PDE4B: variants seen among roughly 807,000 people sequenced by gnomAD.
PDE4B encodes the protein phosphodiesterase 4B.
Under a neutral mutation model 82.2 loss-of-function variants are expected in PDE4B, and 20 were observed. That is an observed-to-expected ratio of 0.24 (90% CI 0.17 to 0.35). PDE4B has a LOEUF of 0.35. Ranked by LOEUF, PDE4B falls within the 10% of genes least tolerant of loss-of-function variation. The pLI, the probability that PDE4B is intolerant of heterozygous loss-of-function variation, is 1.00. For synonymous variants in PDE4B, 320 were observed against 318.9 expected (o/e 1.00, Z -0.04); for missense variants, 655 against 907.2 (o/e 0.72, Z 3.57).
rs528324068 is a variant in PDE4B at position 65,839,691 on chromosome 1, TTCCAAG to T, written c.-71+46446_-71+46451del. ...TATCATTGATTAGCATTTGAGTTGG[TTCCAAG>T]TCTTTGCTATTGTGAACAGTGCTAC... is the stretch of plus-strand genomic sequence containing the variant. On this transcript the variant is annotated intron_variant, in intron 1 of 16. Coordinates refer to ENST00000341517, the MANE Select transcript of PDE4B (RefSeq NM_002600.4). Among the ~76,000 whole-genome samples, 552 of 152,322 alleles carry T rather than the reference TTCCAAG, an allele frequency of 3.6e-3. 5 individuals carry two copies. Among genetic ancestry groups the T allele is most frequent in the African/African-American group, 0.012 (512 of 41,570 alleles).
chr1:66,046,368 C>G (rs1364736526), intron 3 of PDE4B: 1 of 151,536 alleles, frequency 6.6e-6, no homozygotes, highest in Non-Finnish European at 1.5e-5. Context: ...AAATGACAAG[C>G]CACAAACCTC....
At chr1:66,034,578 A>G (rs1653966584) in intron 3 of PDE4B, among the ~76,000 whole-genome samples, 2 of 152,344 alleles carry the variant, frequency 1.3e-5, no homozygotes, top group East Asian at 1.9e-4. Context: ...AAAAGGGCAG[A>G]AAAGGGGAGA....
chr1:66,284,596 T>C (rs1656534468), intron 7 of PDE4B, among the ~76,000 whole-genome samples: 1 of 152,130 alleles, frequency 6.6e-6, no homozygotes, highest in Admixed American at 6.6e-5. Context: ...AGTTTGAAGC[T>C]GTAGTGCACC....
chr1:65,844,440 C>T (rs1421800544), intron 1 of PDE4B, among the ~76,000 whole-genome samples: 2 of 152,132 alleles, frequency 1.3e-5, no homozygotes, highest in Non-Finnish European at 1.5e-5. Context: ...GCTGGACTCT[C>T]GCAGACCGTT....
chr1:65,854,557 G>C (rs1306201396), intron 1 of PDE4B, among the ~76,000 whole-genome samples: 1 of 151,486 alleles, frequency 6.6e-6, no homozygotes, highest in East Asian at 1.9e-4. Context: ...TAAAGTCATG[G>C]CTCCAATGAC....
intron 3 of PDE4B, among the ~76,000 whole-genome samples, chr1:66,055,682 A>G (rs560447871): frequency 6.6e-6 from 1 of 152,326 alleles, no homozygotes; most frequent in African/African-American, 2.4e-5. Flanking sequence ...CCAGTGCTTC[A>G]GTACTGAATG....
Position 66,082,643 on chromosome 1 carries a change from T to TAC in PDE4B, c.281+163809_281+163810insCA, listed in dbSNP as rs370479071. 8.5e-3 allele frequency among the ~76,000 whole-genome samples: 706 copies of TAC among 82,748 alleles called. 24 individuals carry two copies. Among genetic ancestry groups the TAC allele is most frequent in the Admixed American group, 0.07 (671 of 9,546 alleles). The allele number at this position is 82,748 out of a possible 152,430, so 54.3% of individuals were successfully genotyped here. Reference sequence around the variant, plus strand: ...AGGAATTTTGATAGGATTGAAATAATATATATATATATATATACAGTGCTT... The same window carrying TAC: ...AGGAATTTTGATAGGATTGAAATAATACATATATATATATATATACAGTGCTT... On this transcript the variant is annotated intron_variant, in intron 3 of 16. Transcript: ENST00000341517.
intron 1 of PDE4B, among the ~76,000 whole-genome samples, chr1:65,842,622 A>T (rs1279879392): frequency 6.6e-6 from 1 of 152,174 alleles, no homozygotes; most frequent in African/African-American, 2.4e-5. Flanking sequence ...CAAGCTTAAG[A>T]TGGTACTTAG....
At chr1:66,347,799 A>G (rs1018724219) in intron 8 of PDE4B, among the ~76,000 whole-genome samples, 5 of 152,220 alleles carry the variant, frequency 3.3e-5, no homozygotes, top group African/African-American at 1.2e-4. Flanking sequence ...GCTATGATAG[A>G]TTTTTGTAGC....
intron 3 of PDE4B, among the ~76,000 whole-genome samples, chr1:65,970,418 G>T (rs969576454): frequency 6.6e-6 from 1 of 152,110 alleles, no homozygotes; most frequent in Admixed American, 6.6e-5. Flanking sequence ...TGGCAGGGAG[G>T]TATTAGTGTA....
chr1:66,027,713 A>C (rs1029910626), intron 3 of PDE4B, among the ~76,000 whole-genome samples: 2 of 152,224 alleles, frequency 1.3e-5, no homozygotes, highest in African/African-American at 4.8e-5. Context: ...AGATTGGCCA[A>C]AACAAAGGGG....
chr1:65,910,912 A>G (rs1172513773), intron 1 of PDE4B, among the ~76,000 whole-genome samples: 1 of 152,190 alleles, frequency 6.6e-6, no homozygotes, highest in Non-Finnish European at 1.5e-5. Context: ...ATATCCAGAA[A>G]ACAATCAATC....
intron 7 of PDE4B, among the ~76,000 whole-genome samples, chr1:66,271,541 C>T (rs1157779373): frequency 4.6e-5 from 7 of 152,222 alleles, no homozygotes; most frequent in Non-Finnish European, 7.3e-5. Context: ...AGACAACCAT[C>T]AGGTTTTGCT....
intron 3 of PDE4B, among the ~76,000 whole-genome samples, chr1:65,952,046 C>T (rs544782127): frequency 1.8e-4 from 27 of 151,992 alleles, no homozygotes; most frequent in Non-Finnish European, 3.7e-4. Context: ...GTAGTCCGCA[C>T]GTCAGAATAT....
At position 65,793,083 on chromosome 1, in the gene PDE4B, C is replaced by A. The variant is rs957301389; in HGVS notation, c.-236C>A. 6 of 151,988 alleles carry A rather than the reference C, an allele frequency of 3.9e-5. No homozygotes were observed. The highest frequency in any genetic ancestry group is 1.4e-4 in the African/African-American group (6 of 41,394). The allele number at this position is 151,988 out of a possible 1,614,324, so 9.4% of individuals were successfully genotyped here. ...GGGCCGGGCTGCACGCGAGCGCCCTCCGGGCAGACTTTCGTCCCCCACCCC... is the reference window on the plus strand; with the variant it reads ...GGGCCGGGCTGCACGCGAGCGCCCTACGGGCAGACTTTCGTCCCCCACCCC... On this transcript the variant is annotated 5_prime_UTR_variant, in exon 1 of 17. Coordinates refer to ENST00000341517, the MANE Select transcript of PDE4B (RefSeq NM_002600.4).
intron 1 of PDE4B, among the ~76,000 whole-genome samples, chr1:65,904,915 G>C (rs1053320341): frequency 9.2e-5 from 14 of 152,140 alleles, no homozygotes; most frequent in African/African-American, 3.4e-4. Flanking sequence ...ATCTCTGTCA[G>C]AAGAGTAGGA....
At chr1:65,903,821 A>G (rs1646998361) in intron 1 of PDE4B, among the ~76,000 whole-genome samples, 2 of 152,152 alleles carry the variant, frequency 1.3e-5, no homozygotes, top group Non-Finnish European at 2.9e-5. Context: ...TGACATTTTA[A>G]TAGAGCTGGG....
At chr1:66,239,454 G>T (rs547608672) in intron 3 of PDE4B, among the ~76,000 whole-genome samples, 1 of 152,216 alleles carries the variant, frequency 6.6e-6, no homozygotes, top group South Asian at 2.1e-4. Flanking sequence ...ATCGTTTAGG[G>T]GTTTTAGTAG....
At position 66,183,730 on chromosome 1, in the gene PDE4B, G is replaced by A. The variant is rs549998335; in HGVS notation, c.282-63730G>A. ...GAAATCACTTCAACTTAGCAGAGAC[G>A]TGTTGACCATTTATTACATGTGGTA... On this transcript the variant is annotated intron_variant, in intron 3 of 16. Transcript: ENST00000341517. 1.2e-4 allele frequency among the ~76,000 whole-genome samples: 19 copies of A among 152,230 alleles called. 1 individual carries two copies. The East Asian group carries it at 2.5e-3, about 20-fold the overall frequency.
Sources: allele counts gnomAD v4.1 joint callset (sites outside exome capture counted in the v4.1 genomes callset), GRCh38; gene constraint gnomAD v4.1.1; transcripts MANE v1.5; gene names NCBI Gene and HGNC (gene_info 2026-07-23, HGNC 2026-07-21).